PDE4C: variants seen among roughly 807,000 people sequenced by gnomAD.
The protein encoded by PDE4C is phosphodiesterase 4C, also known as 3',5'-cyclic-AMP phosphodiesterase 4C.
A neutral mutation model predicts 63.9 loss-of-function variants in PDE4C; 50 were observed. That is an observed-to-expected ratio of 0.78 (90% confidence interval 0.62 to 0.99). The LOEUF is 0.99. Among genes scored for constraint, PDE4C ranks in the 50% least tolerant of loss-of-function variants. The probability of loss-of-function intolerance (pLI) is 0.00; values close to 1 mark genes in which losing one functional copy is unlikely to be tolerated. For synonymous variants in PDE4C, 377 were observed against 385.1 expected (o/e 0.98, Z 0.25); for missense variants, 777 against 899.1 (o/e 0.86, Z 1.74).
chr19:18,220,290 G>C lies in PDE4C; in HGVS notation c.642C>G (p.Thr214=). ...CGGAGCGGCTGGTTTCGGACAGGTG[G>C]GTCAACTCCCGGTTCAGGATCCGCT... The change falls in exon 7 of 15, where the codon ACC becomes ACG. Residue 214 remains threonine (T), a synonymous_variant. Coordinates refer to ENST00000262805, the Ensembl canonical transcript of PDE4C. This position sits in a 1 kb window ranked among gnomAD's most constrained non-coding sequence, Gnocchi z 5.1. 3 of 1,614,102 alleles carry C rather than the reference G, an allele frequency of 1.9e-6. No individual in the cohort carries two copies. Among genetic ancestry groups the C allele is most frequent in the Middle Eastern group, 1.7e-4 (1 of 6,028 alleles).
chr19:18,233,128 G>A (rs894075549), exon 1 of PDE4C: 9 of 1,559,174 alleles, frequency 5.8e-6, no homozygotes, highest in Middle Eastern at 1.7e-4. Flanking sequence ...ATGCTGTGGC[G>A]GCCGCGAGAG....
intron 12 of PDE4C, among the ~76,000 whole-genome samples, chr19:18,214,988 C>T (rs1968128722): frequency 6.6e-6 from 1 of 151,444 alleles, no homozygotes; most frequent in African/African-American, 2.4e-5. Flanking sequence ...CCCATGTGGA[C>T]TCAGCCCAGC....
chr19:18,250,347 C>T (rs1452188156), upstream of PDE4C: 1 of 399,028 alleles, frequency 2.5e-6, no homozygotes, highest in Non-Finnish European at 4.4e-6. Context: ...AACTTGGACT[C>T]ATTCCGGTGA....
chr19:18,232,919 G>T, intron 1 of PDE4C: 1 of 1,387,320 alleles, frequency 7.2e-7, no homozygotes. Flanking sequence ...CCTCCCCCGC[G>T]CTGCAGGAGG....
chr19:18,222,286 C>A (rs775915503), exon 2 of PDE4C: 1 of 1,613,282 alleles, frequency 6.2e-7, no homozygotes, highest in South Asian at 1.1e-5. Flanking sequence ...GGGTCCAGGG[C>A]CCTCCTCCCA....
At chr19:18,222,239 A>G (rs777515461) in exon 2 of PDE4C, 1 of 1,614,088 alleles carries the variant, frequency 6.2e-7, no homozygotes, top group Non-Finnish European at 8.5e-7. Context: ...GCGGGACTGG[A>G]GCCTGCATAA....
At position 18,232,634 on chromosome 19, in the gene PDE4C, C is replaced by G. The variant is rs145127786; in HGVS notation, c.242+316G>C. Among the ~76,000 whole-genome samples the G allele has an allele frequency of 5.4e-4, 82 of 152,068 alleles. 1 individual carries two copies. Among genetic ancestry groups the G allele is most frequent in the Non-Finnish European group, 8.1e-4 (55 of 67,978 alleles). On this transcript the variant is annotated intron_variant, in intron 1 of 14. Coordinates refer to the PDE4C transcript ENST00000594465. ...CTACCTGGGACACATGGAATCATAC[C>G]CAAGCATGAACGTACAGGAGCACCC...
intron 11 of PDE4C, among the ~76,000 whole-genome samples, chr19:18,217,531 C>T (rs1468285252): frequency 6.6e-6 from 1 of 152,138 alleles, no homozygotes; most frequent in Non-Finnish European, 1.5e-5. Flanking sequence ...AGGGCTTGTA[C>T]ACAAAAGGTG....
chr19:18,230,988 A>G (rs1276338204), upstream of PDE4C, among the ~76,000 whole-genome samples: 1 of 152,132 alleles, frequency 6.6e-6, no homozygotes, highest in Non-Finnish European at 1.5e-5. Context: ...CATTCCCCCA[A>G]CAGTTTCTAG....
At chr19:18,244,810 CT>C (rs531303939) in intron 1 of PDE4C, among the ~76,000 whole-genome samples, 61 of 146,398 alleles carry the variant, frequency 4.2e-4, no homozygotes, top group East Asian at 3.4e-3. Context: ...CAGTGACCAG[CT>C]TTTTTTTTTT....
chr19:18,233,838 T>C (rs548067687), upstream of PDE4C, among the ~76,000 whole-genome samples: 8 of 152,152 alleles, frequency 5.3e-5, no homozygotes, highest in South Asian at 1.2e-3. Flanking sequence ...CCAGCAACAA[T>C]GGCAACAAGG....
chr19:18,232,173 T>C (rs762638263), intron 1 of PDE4C, among the ~76,000 whole-genome samples: 5 of 152,044 alleles, frequency 3.3e-5, no homozygotes, highest in Non-Finnish European at 7.4e-5. Context: ...AAGACCAGCC[T>C]GGGTAACATG....
chr19:18,235,808 G>T (rs955561958), upstream of PDE4C, among the ~76,000 whole-genome samples: 2 of 151,824 alleles, frequency 1.3e-5, no homozygotes, highest in African/African-American at 4.8e-5. Context: ...TCTGTTTTCA[G>T]CTCCTGACAC....
At position 18,215,939 on chromosome 19, in the gene PDE4C, C is replaced by G. The variant is rs900956214; in HGVS notation, c.1389+802G>C. Among the ~76,000 whole-genome samples, 235 of 151,378 alleles carry G rather than the reference C, an allele frequency of 1.6e-3. 5 individuals carry two copies. Among genetic ancestry groups the G allele is most frequent in the Admixed American group, 0.016 (235 of 15,148 alleles). On this transcript the variant is annotated intron_variant, in intron 12 of 14. Transcript: ENST00000262805. ...CCACCTCCCGGGTTCAAGCGATTCT[C>G]CTGCCTCAGCCTCCCAAGTATCTGG... is the stretch of plus-strand genomic sequence containing the variant.
chr19:18,219,862 A>C (rs1411977357), intron 7 of PDE4C, among the ~76,000 whole-genome samples: 3 of 149,878 alleles, frequency 2.0e-5, no homozygotes, highest in Non-Finnish European at 4.4e-5. Context: ...GTAGCTACCT[A>C]CCCCTCTCCT....
chr19:18,211,879 G>A (rs1220244879), exon 14 of PDE4C: 1 of 1,614,260 alleles, frequency 6.2e-7, no homozygotes, highest in Non-Finnish European at 8.5e-7. Flanking sequence ...TCCACTGGCG[G>A]TACAGGGGCA....
intron 11 of PDE4C, among the ~76,000 whole-genome samples, 168 bp downstream of exon 11, chr19:18,217,981 G>A (rs895830217): frequency 2.0e-5 from 3 of 152,160 alleles, no homozygotes; most frequent in African/African-American, 7.2e-5. Context: ...CACCTACTGT[G>A]TACCCAGACC....
intron 1 of PDE4C, among the ~76,000 whole-genome samples, chr19:18,244,533 C>A (rs1395764102): frequency 6.6e-6 from 1 of 151,144 alleles, no homozygotes; most frequent in Non-Finnish European, 1.5e-5. Flanking sequence ...TTTTTTGAGA[C>A]AGGGCCTTCC....
At chr19:18,227,337 T>A (rs553322741), upstream of PDE4C, among the ~76,000 whole-genome samples, 102 of 151,752 alleles carry the variant, frequency 6.7e-4, no homozygotes, top group African/African-American at 2.4e-3. Context: ...TCCACGCAAC[T>A]CCCCACGTGA....
Sources: gnomAD v4.1 joint callset for allele counts (sites outside exome capture counted in the v4.1 genomes callset) on GRCh38, gnomAD v4.1.1 for gene constraint, Gnocchi (gnomAD v3.1) non-coding constraint, MANE v1.5 for transcripts, NCBI Gene and HGNC (gene_info 2026-07-23, HGNC 2026-07-21) for gene names.